The following CNTN4 variants were observed in gnomAD, a reference collection of about 807,000 sequenced individuals.
CNTN4 encodes the protein contactin-4.
A neutral mutation model predicts 122.5 loss-of-function variants in CNTN4; 77 were observed. That is an observed-to-expected ratio of 0.63 (90% CI 0.52 to 0.76). The LOEUF (loss-of-function observed/expected upper bound fraction) is 0.76. Ranked by LOEUF, CNTN4 falls within the 30% of genes least tolerant of loss-of-function variation. CNTN4 has a pLI of 0.00. For missense variants in CNTN4, 1,256 were observed against 1,259.1 expected (o/e 1.00, Z 0.04); for synonymous variants, 512 against 447.0 (o/e 1.15, Z -1.83).
intron 3 of CNTN4, among the ~76,000 whole-genome samples, chr3:2,355,127 G>A (rs550654199): frequency 2.6e-5 from 4 of 152,142 alleles, no homozygotes; most frequent in Non-Finnish European, 4.4e-5. Context: ...TGAATTATGC[G>A]CAGTATGCCT....
intron 7 of CNTN4, among the ~76,000 whole-genome samples, chr3:2,842,771 C>T (rs915491437): frequency 2.0e-5 from 3 of 152,236 alleles, no homozygotes; most frequent in African/African-American, 4.8e-5. Flanking sequence ...TTCTCAAATA[C>T]TTGCTTCTTG....
chr3:2,423,644 A>C (rs573990666), intron 3 of CNTN4, among the ~76,000 whole-genome samples: 1 of 152,260 alleles, frequency 6.6e-6, no homozygotes, highest in African/African-American at 2.4e-5. Context: ...GTATTTGTCT[A>C]CTTAAAGTAG....
intron 14 of CNTN4, among the ~76,000 whole-genome samples, chr3:2,996,170 G>C (rs1052999046): frequency 3.3e-5 from 5 of 151,982 alleles, no homozygotes; most frequent in African/African-American, 1.2e-4. Flanking sequence ...TATCTGTTTG[G>C]GTAAATTTTT....
chr3:2,839,878 C>T (rs1030398636), intron 7 of CNTN4, among the ~76,000 whole-genome samples: 13 of 152,226 alleles, frequency 8.5e-5, no homozygotes, highest in South Asian at 4.2e-4. Context: ...TGGAACAGTC[C>T]GAATAGCAAT....
chr3:2,371,765 C>G (rs1353764084), intron 3 of CNTN4, among the ~76,000 whole-genome samples: 1 of 152,094 alleles, frequency 6.6e-6, no homozygotes, highest in Non-Finnish European at 1.5e-5. Context: ...TAATATTTAC[C>G]TGTCTGTTAA....
chr3:2,351,201 A>G (rs1402243424), intron 3 of CNTN4, among the ~76,000 whole-genome samples: 1 of 152,186 alleles, frequency 6.6e-6, no homozygotes, highest in South Asian at 2.1e-4. Flanking sequence ...AACTTCTGCC[A>G]TGAATGTGAG....
intron 2 of CNTN4, among the ~76,000 whole-genome samples, chr3:2,319,689 T>C (rs1322505454): frequency 1.3e-5 from 2 of 152,222 alleles, no homozygotes; most frequent in Admixed American, 6.5e-5. Flanking sequence ...AAATATGTGT[T>C]GACTGTTTAT....
chr3:2,488,830 T>G (rs995559562), intron 3 of CNTN4, among the ~76,000 whole-genome samples: 40 of 152,164 alleles, frequency 2.6e-4, no homozygotes, highest in African/African-American at 9.2e-4. Flanking sequence ...ACATTAACAT[T>G]CCCTTTAATT....
intron 3 of CNTN4, among the ~76,000 whole-genome samples, chr3:2,353,473 A>T (rs1184648429): frequency 6.6e-6 from 1 of 151,758 alleles, no homozygotes; most frequent in Non-Finnish European, 1.5e-5. Flanking sequence ...GCCGCTGCTC[A>T]CTCTTTGGGT....
chr3:2,766,956 G>T (rs1168781580), intron 6 of CNTN4, among the ~76,000 whole-genome samples: 3 of 152,128 alleles, frequency 2.0e-5, no homozygotes, highest in African/African-American at 7.2e-5. Context: ...ATACTATAGG[G>T]CATGGAATGG....
chr3:2,958,515 A>AT (rs1455118584), intron 13 of CNTN4, among the ~76,000 whole-genome samples: 2 of 152,116 alleles, frequency 1.3e-5, no homozygotes, highest in East Asian at 1.9e-4. Flanking sequence ...AACAATCTGC[A>AT]TTTTTTTGAA....
intron 4 of CNTN4, among the ~76,000 whole-genome samples, chr3:2,704,016 G>C (rs537149068): frequency 1.5e-3 from 229 of 152,190 alleles, no homozygotes; most frequent in African/African-American, 5.3e-3. Context: ...ATCTGGGCTA[G>C]GCATGGTGGA....
chr3:2,390,885 TA>T (rs2046417976), intron 3 of CNTN4, among the ~76,000 whole-genome samples: 1 of 152,224 alleles, frequency 6.6e-6, no homozygotes. Flanking sequence ...GTCTTTTAAA[TA>T]GTTTGTACTC....
chr3:2,822,095 G>C (rs2092888703), intron 7 of CNTN4, among the ~76,000 whole-genome samples: 1 of 152,196 alleles, frequency 6.6e-6, no homozygotes, highest in Admixed American at 6.5e-5. Flanking sequence ...ACAAGGAATT[G>C]TTAGGATTTC....
chr3:2,704,003 T>A (rs1354965775), intron 4 of CNTN4, among the ~76,000 whole-genome samples: 1 of 152,046 alleles, frequency 6.6e-6, no homozygotes, highest in Non-Finnish European at 1.5e-5. Context: ...CAAGATTAAG[T>A]TGATCTGGGC....
At chr3:2,867,305 A>G (rs2093735222) in intron 8 of CNTN4, among the ~76,000 whole-genome samples, 1 of 152,142 alleles carries the variant, frequency 6.6e-6, no homozygotes, top group Admixed American at 6.5e-5. Context: ...ATTCTGTGTA[A>G]TTTAGTATTC....
chr3:3,045,102 C>T lies in CNTN4; in HGVS notation c.2811+1398C>T, dbSNP rs567790425. On this transcript the variant is annotated intron_variant, in intron 23 of 24. Transcript: ENST00000418658. ...TGAGGCTGGGGGAGGGGGCGCCTGC[C>T]ATTGCTGAGGCTTGAGTAGGTAAAT... Among the ~76,000 whole-genome samples, 9 of 152,312 alleles carry T rather than the reference C, an allele frequency of 5.9e-5. No homozygotes were observed. In the South Asian group the frequency reaches 1.9e-3, roughly 32 times the overall value.
At chr3:3,019,083 A>G (rs1187223854) in intron 14 of CNTN4, among the ~76,000 whole-genome samples, 1 of 152,052 alleles carries the variant, frequency 6.6e-6, no homozygotes, top group Non-Finnish European at 1.5e-5. Context: ...TAAATGGGGG[A>G]GAGGGGAACA....
At chr3:2,578,776 C>T (rs2079807733) in intron 4 of CNTN4, among the ~76,000 whole-genome samples, 1 of 152,130 alleles carries the variant, frequency 6.6e-6, no homozygotes, top group African/African-American at 2.4e-5. Context: ...TCTACGCTCT[C>T]TCATAACTAT....
Sources: allele counts gnomAD v4.1 joint callset (sites outside exome capture counted in the v4.1 genomes callset), GRCh38; gene constraint gnomAD v4.1.1; transcripts MANE v1.5; gene names NCBI Gene and HGNC (gene_info 2026-07-23, HGNC 2026-07-21).